SWT1: variants seen among roughly 807,000 people sequenced by gnomAD.
The protein encoded by SWT1 is SWT1 RNA endoribonuclease homolog.
In SWT1, 33 loss-of-function variants were observed where a neutral mutation model predicts 107.3. That is an observed-to-expected ratio of 0.31 (90% CI 0.23 to 0.41). The LOEUF (loss-of-function observed/expected upper bound fraction) is 0.41, where lower values mean the gene tolerates loss of function less well. Ranked by LOEUF, SWT1 falls within the 10% of genes least tolerant of loss-of-function variation. The pLI is 1.00. For missense variants in SWT1, 898 were observed against 1,028.9 expected (o/e 0.87, Z 1.74); for synonymous variants, 345 against 348.3 (o/e 0.99, Z 0.11).
At chr1:185,240,184 T>C (rs1661170280) in intron 16 of SWT1, among the ~76,000 whole-genome samples, 1 of 152,022 alleles carries the variant, frequency 6.6e-6, no homozygotes, top group Non-Finnish European at 1.5e-5. Flanking sequence ...TGCTTAGGTT[T>C]TATGTTTGTA....
intron 18 of SWT1, among the ~76,000 whole-genome samples, chr1:185,279,475 AC>A (rs1447466839): frequency 1.6e-4 from 25 of 151,964 alleles, no homozygotes; most frequent in Non-Finnish European, 3.4e-4. Flanking sequence ...TAATGAGTAA[AC>A]CCTCTTTTAT....
At chr1:185,165,366 G>T (rs1361249743) in intron 2 of SWT1, among the ~76,000 whole-genome samples, 1 of 152,122 alleles carries the variant, frequency 6.6e-6, no homozygotes, top group Non-Finnish European at 1.5e-5. Flanking sequence ...TAATAGACTT[G>T]CCATAAACCT....
At chr1:185,184,673 T>G (rs1047074079) in intron 8 of SWT1, 70 bp from the exon 9 acceptor site, 1 of 1,233,562 alleles carries the variant, frequency 8.1e-7, no homozygotes, top group Non-Finnish European at 1.1e-6. Context: ...CTTTTACCTC[T>G]TGGACAGCAA....
intron 9 of SWT1, among the ~76,000 whole-genome samples, chr1:185,186,759 C>CTTT (rs571897746): frequency 4.9e-5 from 7 of 143,428 alleles, no homozygotes; most frequent in Non-Finnish European, 3.1e-5. Flanking sequence ...TTTTAATTAC[C>CTTT]TTTTTTTTTT....
chr1:185,268,715 C>T (rs1663580657), intron 16 of SWT1, among the ~76,000 whole-genome samples: 1 of 152,108 alleles, frequency 6.6e-6, no homozygotes, highest in African/African-American at 2.4e-5. Flanking sequence ...AACTTACTAG[C>T]CTCATAATAT....
chr1:185,166,638 G>C lies in SWT1; in HGVS notation c.151G>C (p.Glu51Gln). 2 of 1,596,240 alleles carry C rather than the reference G, an allele frequency of 1.3e-6. No individual in the cohort carries two copies. Among genetic ancestry groups the C allele is most frequent in the Non-Finnish European group, 1.7e-6 (2 of 1,168,132 alleles). The change falls in exon 3 of 19, where the codon GAA (glutamate) becomes CAA (glutamine). Residue 51 changes from glutamate (E) to glutamine (Q), a missense_variant. Glu to Gln is a conservative substitution (Grantham distance 29). Transcript: ENST00000367500. ...SSSSIRSVSS[E>Q]KRKLKSDHTD... ...ATCTTCTATAAGATCAGTTTCATCA[G>C]AAAAGAGAAAACTGGTGAGTGTCTA...
chr1:185,197,870 T>A (rs1657529423), intron 10 of SWT1, among the ~76,000 whole-genome samples: 1 of 152,204 alleles, frequency 6.6e-6, no homozygotes, highest in Admixed American at 6.5e-5. Context: ...TCTGTTTTGT[T>A]GATCTTTCAA....
At chr1:185,223,549 T>C (rs750916167) in intron 15 of SWT1, among the ~76,000 whole-genome samples, 12 of 152,112 alleles carry the variant, frequency 7.9e-5, no homozygotes, top group Non-Finnish European at 1.3e-4. Context: ...GTGATTTTGA[T>C]TTGCATTTCC....
At chr1:185,197,436 A>G (rs1348624072) in intron 10 of SWT1, among the ~76,000 whole-genome samples, 1 of 151,988 alleles carries the variant, frequency 6.6e-6, no homozygotes, top group East Asian at 1.9e-4. Flanking sequence ...TTTTTGTTGC[A>G]TCTCTGCCAG....
chr1:185,279,535 C>T (rs1236992106), intron 18 of SWT1, among the ~76,000 whole-genome samples: 3 of 151,744 alleles, frequency 2.0e-5, no homozygotes, highest in Non-Finnish European at 4.4e-5. Context: ...TAATATGTTG[C>T]AGGCATTGAA....
chr1:185,229,876 C>T (rs887330665), intron 15 of SWT1, among the ~76,000 whole-genome samples: 13 of 152,038 alleles, frequency 8.6e-5, no homozygotes, highest in African/African-American at 3.1e-4. Context: ...CCTGAATAGG[C>T]AAATCCATAG....
At chr1:185,231,794 G>A (rs1282443535) in intron 16 of SWT1, 86 bp downstream of exon 16, 2 of 1,020,238 alleles carry the variant, frequency 2.0e-6, no homozygotes, top group Non-Finnish European at 2.9e-6. Flanking sequence ...GAGTTGCTAG[G>A]AGTCACATAG....
At chr1:185,225,448 G>C (rs1218017530) in intron 15 of SWT1, among the ~76,000 whole-genome samples, 1 of 152,022 alleles carries the variant, frequency 6.6e-6, no homozygotes, top group Non-Finnish European at 1.5e-5. Flanking sequence ...AAGTATTCCT[G>C]CTTCTTCAAT....
At chr1:185,183,252 A>G (rs1014435156) in intron 7 of SWT1, among the ~76,000 whole-genome samples, 1 of 151,846 alleles carries the variant, frequency 6.6e-6, no homozygotes, top group Non-Finnish European at 1.5e-5. Context: ...ACAATGCTAG[A>G]ATTATTATGT....
chr1:185,165,994 TC>T, intron 2 of SWT1, among the ~76,000 whole-genome samples: 1 of 152,334 alleles, frequency 6.6e-6, no homozygotes, highest in Middle Eastern at 3.4e-3. Context: ...CTGTTTCCTT[TC>T]TCTGCTTTAC....
chr1:185,180,251 T>G, intron 5 of SWT1, 140 bp from the exon 6 acceptor site: 1 of 658,310 alleles, frequency 1.5e-6, no homozygotes, highest in Non-Finnish European at 2.7e-6. Flanking sequence ...TAGAGGTCAG[T>G]GATGCTGCTA....
chr1:185,252,807 T>C lies in SWT1; in HGVS notation c.2442-18516T>C, dbSNP rs1662144353. Among the ~76,000 whole-genome samples, 5 of 152,024 alleles carry C rather than the reference T, an allele frequency of 3.3e-5. No individual in the cohort carries two copies. In the South Asian group the frequency reaches 8.3e-4, roughly 25 times the overall value. On this transcript the variant is annotated intron_variant, in intron 16 of 18. Transcript: ENST00000367500. ...TTTAATTAGATCCCATTTGTCAATT[T>C]TGGCTTTTGTTGCCATTGCTTTTGG...
At chr1:185,245,442 G>T (rs1661539057) in intron 16 of SWT1, among the ~76,000 whole-genome samples, 1 of 152,008 alleles carries the variant, frequency 6.6e-6, no homozygotes, top group South Asian at 2.1e-4. Context: ...ACCTCTCAAA[G>T]AACCTACCTG....
At chr1:185,271,111 A>ATC (rs1663826060) in intron 16 of SWT1, among the ~76,000 whole-genome samples, 1 of 152,250 alleles carries the variant, frequency 6.6e-6, no homozygotes, top group African/African-American at 2.4e-5. Context: ...ATGAATTTAA[A>ATC]TAAGCAAAAA....
Sources: gnomAD v4.1 joint callset for allele counts (sites outside exome capture counted in the v4.1 genomes callset) on GRCh38, gnomAD v4.1.1 for gene constraint, MANE v1.5 for transcripts, NCBI Gene and HGNC (gene_info 2026-07-23, HGNC 2026-07-21) for gene names.